Variants in NEK7 observed in about 807,000 individuals in gnomAD.
The protein encoded by NEK7 is serine/threonine-protein kinase Nek7.
A neutral mutation model predicts 44.6 loss-of-function variants in NEK7; 18 were observed. The ratio of observed to expected loss-of-function variants is 0.40; its 90% CI spans 0.28 to 0.60. The LOEUF (loss-of-function observed/expected upper bound fraction) is 0.60, where lower values mean the gene tolerates loss of function less well. NEK7 is among the 20% of genes least tolerant of loss of function. The pLI is 0.38. For missense variants in NEK7, 256 were observed against 366.5 expected, an observed-to-expected ratio of 0.70 and a Z score of 2.46; for synonymous variants, 130 against 121.1, an observed-to-expected ratio of 1.07 and a Z score of -0.48.
At chr1:198,158,151 G>A (rs935455195) in intron 1 of NEK7, among the ~76,000 whole-genome samples, 1 of 152,194 alleles carries the variant, frequency 6.6e-6, no homozygotes, top group Non-Finnish European at 1.5e-5. Context: ...GAGAGATGAT[G>A]TATCGTGTTC....
At chr1:198,264,071 A>T (rs1470631857) in intron 4 of NEK7, 54 bp from the exon 5 acceptor site, 1 of 1,515,788 alleles carries the variant, frequency 6.6e-7, no homozygotes, top group East Asian at 2.4e-5. Flanking sequence ...ACTATAAGTG[A>T]CTCTTGGATA....
At chr1:198,304,204 C>G (rs1341879956) in intron 9 of NEK7, among the ~76,000 whole-genome samples, 3 of 152,142 alleles carry the variant, frequency 2.0e-5, no homozygotes, top group African/African-American at 7.2e-5. Context: ...AATCATGTAA[C>G]TTTCTGTAAG....
At chr1:198,235,420 C>A (rs1043330079) in intron 2 of NEK7, among the ~76,000 whole-genome samples, 1 of 152,052 alleles carries the variant, frequency 6.6e-6, no homozygotes, top group Admixed American at 6.6e-5. Context: ...TTTCCACTAA[C>A]ATCTAGAAGG....
chr1:198,212,484 T>C (rs947829091), intron 1 of NEK7, among the ~76,000 whole-genome samples: 6 of 152,208 alleles, frequency 3.9e-5, no homozygotes, highest in Non-Finnish European at 7.4e-5. Context: ...GGGATTCTTT[T>C]GTGCAGTAGA....
At chr1:198,295,204 T>A (rs1448407032) in intron 8 of NEK7, among the ~76,000 whole-genome samples, 2 of 151,942 alleles carry the variant, frequency 1.3e-5, no homozygotes, top group African/African-American at 2.4e-5. Context: ...GAAAAGTAGG[T>A]TTTACACATT....
intron 9 of NEK7, among the ~76,000 whole-genome samples, chr1:198,309,495 G>A (rs1008467847): frequency 6.6e-6 from 1 of 151,912 alleles, no homozygotes; most frequent in African/African-American, 2.4e-5. Context: ...TGTGCACAAT[G>A]TGCAGGTTAG....
chr1:198,161,508 G>T (rs1459272834), intron 1 of NEK7, among the ~76,000 whole-genome samples: 3 of 152,050 alleles, frequency 2.0e-5, no homozygotes, highest in African/African-American at 7.2e-5. Flanking sequence ...TTGATGTTTG[G>T]GTTGATTCGG....
chr1:198,317,889 T>TTTTG (rs1558109625), intron 9 of NEK7, among the ~76,000 whole-genome samples: 1 of 146,316 alleles, frequency 6.8e-6, no homozygotes, highest in African/African-American at 2.5e-5. Context: ...TTTTTTTTTT[T>TTTTG]TTTTTTTTTT....
At chr1:198,169,744 C>A (rs776866901) in intron 1 of NEK7, among the ~76,000 whole-genome samples, 1 of 152,098 alleles carries the variant, frequency 6.6e-6, no homozygotes, top group Non-Finnish European at 1.5e-5. Flanking sequence ...AAGTACTATA[C>A]AAAAAAATAC....
intron 1 of NEK7, chr1:198,197,898 G>A: frequency 8.3e-7 from 1 of 1,200,246 alleles, no homozygotes; most frequent in Non-Finnish European, 1.2e-6. Flanking sequence ...ATCACTCCTA[G>A]TCCGAACATG....
chr1:198,315,301 T>C (rs7539335), intron 9 of NEK7, among the ~76,000 whole-genome samples: 78,975 of 151,888 alleles, frequency 0.52, 23,534 homozygotes, highest in East Asian at 0.89. Context: ...GGCTCGCGCA[T>C]GGTGCGCGCA....
intron 5 of NEK7, among the ~76,000 whole-genome samples, chr1:198,265,364 G>A (rs974582204): frequency 1.3e-5 from 2 of 152,212 alleles, no homozygotes; most frequent in South Asian, 2.1e-4. Flanking sequence ...AAAAACAAAA[G>A]CTATTTATTT....
At chr1:198,170,878 A>G (rs903867247) in intron 1 of NEK7, among the ~76,000 whole-genome samples, 1 of 152,212 alleles carries the variant, frequency 6.6e-6, no homozygotes, top group African/African-American at 2.4e-5. Context: ...ACTCGCATCA[A>G]AATAGAATCA....
intron 1 of NEK7, among the ~76,000 whole-genome samples, chr1:198,196,405 C>G (rs888619411): frequency 7.9e-5 from 12 of 152,156 alleles, no homozygotes; most frequent in African/African-American, 2.9e-4. Flanking sequence ...AGAAAAGTTA[C>G]CCAGTTTGAT....
At chr1:198,188,646 G>T (rs1664985190) in intron 1 of NEK7, among the ~76,000 whole-genome samples, 2 of 152,060 alleles carry the variant, frequency 1.3e-5, no homozygotes, top group South Asian at 4.2e-4. Context: ...GCTTCTTGAG[G>T]CTGTGCTGCA....
intron 8 of NEK7, among the ~76,000 whole-genome samples, chr1:198,295,833 T>C (rs1251348408): frequency 1.3e-5 from 2 of 150,576 alleles, no homozygotes; most frequent in African/African-American, 2.4e-5. Flanking sequence ...ATTATTATTA[T>C]TATTATTGTG....
intron 1 of NEK7, among the ~76,000 whole-genome samples, chr1:198,227,968 C>A (rs1666277058): frequency 6.6e-6 from 1 of 152,038 alleles, no homozygotes; most frequent in Admixed American, 6.5e-5. Context: ...AATGGTATTG[C>A]CTAGGTTTTC....
rs1664789737 is a variant in NEK7, at chr1:198,182,267, T to G, written c.-29+24991T>G. Among the ~76,000 whole-genome samples, 4 of 152,176 alleles carry G rather than the reference T, an allele frequency of 2.6e-5. No homozygotes were observed. In the South Asian group the frequency reaches 8.3e-4, roughly 31 times the overall value. On this transcript the variant is annotated intron_variant, in intron 1 of 9. Coordinates refer to ENST00000367385, the MANE Select transcript of NEK7 (RefSeq NM_133494.3). Reference sequence around the variant, plus strand: ...GTTCTTGCACATACATTAATAATGTTTTCACCATTCTTAATTTGTCTCTTT... The same window carrying G: ...GTTCTTGCACATACATTAATAATGTGTTCACCATTCTTAATTTGTCTCTTT...
intron 1 of NEK7, among the ~76,000 whole-genome samples, chr1:198,183,184 G>A (rs1003184679): frequency 2.6e-5 from 4 of 152,150 alleles, no homozygotes; most frequent in Admixed American, 2.0e-4. Flanking sequence ...TGGAAAACCC[G>A]TCTTTAGAGG....
Sources: allele counts gnomAD v4.1 joint callset (sites outside exome capture counted in the v4.1 genomes callset), GRCh38; gene constraint gnomAD v4.1.1; transcripts MANE v1.5; gene names NCBI Gene and HGNC (gene_info 2026-07-23, HGNC 2026-07-21).